The following GPNMB variants were observed in gnomAD, a reference collection of about 807,000 sequenced individuals.
GPNMB encodes transmembrane glycoprotein NMB.
Under a neutral mutation model 57.3 loss-of-function variants are expected in GPNMB, and 71 were observed. That is an observed-to-expected ratio of 1.24 (90% confidence interval 1.02 to 1.51). GPNMB has a LOEUF of 1.51. Ranked by LOEUF, GPNMB falls within the 40% of genes most tolerant of loss-of-function variation. The pLI, the probability that GPNMB is intolerant of heterozygous loss-of-function variation, is 0.00. For missense variants in GPNMB, 677 were observed against 691.9 expected, an observed-to-expected ratio of 0.98 and a Z score of 0.24; for synonymous variants, 253 against 263.2, an observed-to-expected ratio of 0.96 and a Z score of 0.38.
intron 1 of GPNMB, among the ~76,000 whole-genome samples, chr7:23,251,075 G>C (rs533820051): frequency 6.6e-6 from 1 of 152,264 alleles, no homozygotes; most frequent in South Asian, 2.1e-4. Context: ...TGTCAGATGT[G>C]AAGGCCCAGA....
At chr7:23,265,488 C>T (rs1338195748) in intron 6 of GPNMB, among the ~76,000 whole-genome samples, 4 of 152,142 alleles carry the variant, frequency 2.6e-5, no homozygotes, top group African/African-American at 7.2e-5. Context: ...AGATTCTTTG[C>T]TCTAATTATA....
chr7:23,246,977 GA>G, intron 1 of GPNMB, 50 bp downstream of exon 1: 1 of 1,289,732 alleles, frequency 7.8e-7, no homozygotes, highest in Non-Finnish European at 1.1e-6. Flanking sequence ...GCCATTGGCT[GA>G]AATGATGGCT....
rs191149673 is a variant in GPNMB at position 23,273,900 on chromosome 7, A to G, written c.1524-165A>G. 127 of 599,398 alleles carry G rather than the reference A, an allele frequency of 2.1e-4. 1 individual carries two copies. The African/African-American group carries it at 2.3e-3, about 11-fold the overall frequency. The allele number at this position is 599,398 out of a possible 1,614,324, so 37.1% of individuals were successfully genotyped here. On this transcript the variant is annotated intron_variant, in intron 10 of 10. Transcript: ENST00000258733. ...GTAAGCAGGCACATTTCTTGCATGA[A>G]CAAGAGTAAATAAATGTACTTTCAT...
rs1185698542 is a variant in GPNMB, at chr7:23,254,283, A to T, written c.338A>T (p.Asn113Ile). ...PRCQKEDANG[N>I]IVYEKNCRNE... ...TGCCAAAAGGAAGATGCCAATGGCA[A>T]CATAGTCTATGAGAAGAACTGCAGA... is the stretch of plus-strand genomic sequence containing the variant. The change falls in exon 3 of 11, where the codon AAC becomes ATC. Residue 113 changes from asparagine (N) to isoleucine (I), a missense_variant. Asn to Ile is a moderately radical substitution (Grantham distance 149). Coordinates refer to ENST00000258733, the MANE Select transcript of GPNMB (RefSeq NM_002510.3). 2 of 1,613,278 alleles carry T rather than the reference A, an allele frequency of 1.2e-6. No individual in the cohort carries two copies. The highest frequency in any genetic ancestry group is 2.7e-5 in the African/African-American group (2 of 74,934).
intron 8 of GPNMB, among the ~76,000 whole-genome samples, chr7:23,268,933 G>A (rs1291846361): frequency 2.0e-5 from 3 of 152,262 alleles, no homozygotes; most frequent in East Asian, 3.9e-4. Context: ...TAGCGGTCAG[G>A]ACAGCAATGG....
intron 9 of GPNMB, among the ~76,000 whole-genome samples, chr7:23,271,550 C>T (rs565574476): frequency 2.0e-5 from 3 of 152,346 alleles, no homozygotes; most frequent in South Asian, 4.1e-4. Flanking sequence ...AATCCCAGCA[C>T]TTTGGGAGGC....
chr7:23,266,838 G>A (rs570640443), intron 7 of GPNMB, among the ~76,000 whole-genome samples: 2 of 152,310 alleles, frequency 1.3e-5, no homozygotes, highest in East Asian at 3.9e-4. Flanking sequence ...AGCCTTCTGT[G>A]AAGGCCGCAT....
At chr7:23,251,349 C>G (rs1782657101) in intron 1 of GPNMB, among the ~76,000 whole-genome samples, 1 of 152,208 alleles carries the variant, frequency 6.6e-6, no homozygotes, top group Non-Finnish European at 1.5e-5. Flanking sequence ...AAGAACAAGA[C>G]AGAGTTTCTC....
chr7:23,270,757 C>A (rs1453151932), intron 9 of GPNMB, among the ~76,000 whole-genome samples: 1 of 152,152 alleles, frequency 6.6e-6, no homozygotes, highest in African/African-American at 2.4e-5. Context: ...ACTCTCTTCC[C>A]TCTGAATGCT....
intron 9 of GPNMB, 37 bp from the exon 10 acceptor site, chr7:23,273,484 G>A (rs753154220): frequency 7.4e-7 from 1 of 1,343,310 alleles, no homozygotes. Flanking sequence ...CCTCTAGGTG[G>A]AAGACATAAC....
chr7:23,249,357 A>G (rs773118077), intron 1 of GPNMB, among the ~76,000 whole-genome samples: 1 of 152,204 alleles, frequency 6.6e-6, no homozygotes, highest in Non-Finnish European at 1.5e-5. Flanking sequence ...ACAGGACATC[A>G]CAGCCCAGAT....
intron 10 of GPNMB, 112 bp downstream of exon 10, chr7:23,273,726 G>A: frequency 1.4e-6 from 1 of 715,410 alleles, no homozygotes; most frequent in Non-Finnish European, 2.4e-6. Flanking sequence ...TTTTGTGTAG[G>A]GGAGGAAAAT....
chr7:23,255,580 G>A (rs1008692846), intron 3 of GPNMB, among the ~76,000 whole-genome samples: 1 of 152,118 alleles, frequency 6.6e-6, no homozygotes, highest in African/African-American at 2.4e-5. Flanking sequence ...CAGTGAGATT[G>A]CTGGCTCATA....
At position 23,268,216 on chromosome 7, in the gene GPNMB, A is replaced by G. The variant is rs560298924; in HGVS notation, c.1220+228A>G. Among the ~76,000 whole-genome samples, 106 of 152,356 alleles carry G rather than the reference A, an allele frequency of 7.0e-4. 2 individuals carry two copies. The South Asian group carries it at 0.021, about 31-fold the overall frequency. On this transcript the variant is annotated intron_variant, in intron 8 of 10. Coordinates refer to ENST00000258733, the MANE Select transcript of GPNMB (RefSeq NM_002510.3). ...GAGAAAGCTTTAACAATTAAGTTGAATAATAATTATGATAACTGTTTGAAC... is the reference window on the plus strand; with the variant it reads ...GAGAAAGCTTTAACAATTAAGTTGAGTAATAATTATGATAACTGTTTGAAC...
At chr7:23,269,847 C>A (rs1783155520) in intron 8 of GPNMB, 120 bp from the exon 9 acceptor site, 1 of 724,598 alleles carries the variant, frequency 1.4e-6, no homozygotes, top group Admixed American at 2.0e-5. Flanking sequence ...GTTTGAGTAA[C>A]AATGAGGTGG....
At chr7:23,263,018 T>A (rs1782967178) in intron 6 of GPNMB, among the ~76,000 whole-genome samples, 2 of 151,666 alleles carry the variant, frequency 1.3e-5, no homozygotes, top group African/African-American at 4.9e-5. Flanking sequence ...ATTCTAGTAA[T>A]CCTTTAGGAG....
intron 2 of GPNMB, among the ~76,000 whole-genome samples, chr7:23,253,834 A>G (rs1429164036): frequency 1.3e-5 from 2 of 152,210 alleles, no homozygotes; most frequent in African/African-American, 2.4e-5. Flanking sequence ...CTTTTTAGAT[A>G]AAAGAATGCA....
intron 2 of GPNMB, 111 bp downstream of exon 2, chr7:23,253,570 G>A (rs1252547348): frequency 8.9e-6 from 8 of 895,250 alleles, no homozygotes; most frequent in Non-Finnish European, 1.4e-5. Context: ...GAATGACAGT[G>A]CTCTCATTAC....
Position 23,254,249 on chromosome 7 carries a change from T to C in GPNMB, c.304T>C (p.Phe102Leu), listed in dbSNP as rs964181513. 3 of 1,613,648 alleles carry C rather than the reference T, an allele frequency of 1.9e-6. No individual in the cohort carries two copies. The highest frequency in any genetic ancestry group is 1.3e-5 in the African/African-American group (1 of 74,928). ...TATAACATTTGCGGTGAACCTGATA[T>C]TCCCTAGATGCCAAAAGGAAGATGC... Reference protein sequence around the residue: ...SNITFAVNLIFPRCQKEDANG... With the variant: ...SNITFAVNLILPRCQKEDANG... The change falls in exon 3 of 11, where the codon TTC becomes CTC. Residue 102 changes from phenylalanine (F) to leucine (L), a missense_variant. Physicochemically the swap from Phe to Leu is conservative, Grantham distance 22. Transcript: ENST00000258733.
Sources: allele counts gnomAD v4.1 joint callset (sites outside exome capture counted in the v4.1 genomes callset), GRCh38; gene constraint gnomAD v4.1.1; transcripts MANE v1.5; gene names NCBI Gene and HGNC (gene_info 2026-07-23, HGNC 2026-07-21).